DSCAML1: variants seen among roughly 807,000 people sequenced by gnomAD.
DSCAML1 encodes the protein cell adhesion molecule DSCAML1.
In DSCAML1, 38 loss-of-function variants were observed where a neutral mutation model predicts 200.5. That is an observed-to-expected ratio of 0.19 (90% CI 0.15 to 0.25). The LOEUF is 0.25. Among genes scored for constraint, DSCAML1 ranks in the 10% least tolerant of loss-of-function variants. The pLI, the probability that DSCAML1 is intolerant of heterozygous loss-of-function variation, is 1.00. For synonymous variants in DSCAML1, 1,215 were observed against 1,165.0 expected, an observed-to-expected ratio of 1.04 and a Z score of -0.87; for missense variants, 2,223 against 2,858.8, an observed-to-expected ratio of 0.78 and a Z score of 5.07.
At chr11:117,628,412 G>A (rs1049560535) in intron 3 of DSCAML1, among the ~76,000 whole-genome samples, 6 of 152,212 alleles carry the variant, frequency 3.9e-5, no homozygotes, top group African/African-American at 1.2e-4. Context: ...TTCCCTGCCC[G>A]ACCTCCTCGT....
rs373664097 is a variant in DSCAML1 at position 117,439,769 on chromosome 11, C to T, written c.3980+50G>A. The stretch of plus-strand genomic sequence containing the variant: ...GACTCTTCTCCACACCGCTCTTCTA[C>T]TATATCCCTCTTTGGGGCCACCCCA... On this transcript the variant is annotated intron_variant, in intron 22 of 32. Transcript: ENST00000651296. 3.1e-4 allele frequency: 487 copies of T among 1,546,876 alleles called. 2 individuals carry two copies. The highest frequency in any genetic ancestry group is 2.6e-4 in the Non-Finnish European group (289 of 1,121,476).
chr11:117,663,392 C>A (rs1325051657), intron 3 of DSCAML1, among the ~76,000 whole-genome samples: 1 of 152,180 alleles, frequency 6.6e-6, no homozygotes, highest in Non-Finnish European at 1.5e-5. Flanking sequence ...GAGGCCATCC[C>A]CCACCAGTGG....
At chr11:117,599,637 A>C (rs901721944) in intron 3 of DSCAML1, among the ~76,000 whole-genome samples, 1 of 152,030 alleles carries the variant, frequency 6.6e-6, no homozygotes, top group Non-Finnish European at 1.5e-5. Context: ...TCCTCAACAC[A>C]AGACATCTGC....
chr11:117,697,810 C>T (rs1185184916), intron 3 of DSCAML1, among the ~76,000 whole-genome samples: 5 of 148,836 alleles, frequency 3.4e-5, no homozygotes, highest in African/African-American at 1.2e-4. Flanking sequence ...CTCGCTCTGT[C>T]GCCGAGGCTG....
chr11:117,712,312 A>G (rs1318666593), intron 3 of DSCAML1, among the ~76,000 whole-genome samples: 1 of 152,090 alleles, frequency 6.6e-6, no homozygotes, highest in Non-Finnish European at 1.5e-5. Flanking sequence ...GGGTGTGGAC[A>G]GTGGGGGTTG....
chr11:117,700,382 T>A (rs1376230624), intron 3 of DSCAML1, among the ~76,000 whole-genome samples: 3 of 152,088 alleles, frequency 2.0e-5, no homozygotes, highest in African/African-American at 4.8e-5. Flanking sequence ...TCACATCCTA[T>A]CCTATCCTCC....
chr11:117,640,933 G>A lies in DSCAML1; in HGVS notation c.512-108411C>T, dbSNP rs183949194. 6.4e-4 allele frequency among the ~76,000 whole-genome samples: 98 copies of A among 152,300 alleles called. No homozygotes were observed. In the East Asian group the frequency reaches 0.017, roughly 27 times the overall value. ...CATGTGTGTACATATATGTCCATGA[G>A]CACATATGTCTGTGCTCAACCAAAA... On this transcript the variant is annotated intron_variant, in intron 3 of 32. Transcript: ENST00000651296.
At chr11:117,746,945 GA>G (rs1452823708) in intron 3 of DSCAML1, among the ~76,000 whole-genome samples, 1 of 152,198 alleles carries the variant, frequency 6.6e-6, no homozygotes. Context: ...CACTGGGTTA[GA>G]AAGTATGGGT....
chr11:117,559,192 C>T (rs2050614775), intron 3 of DSCAML1, among the ~76,000 whole-genome samples: 1 of 151,984 alleles, frequency 6.6e-6, no homozygotes, highest in Non-Finnish European at 1.5e-5. Flanking sequence ...ATTCAGAAAC[C>T]CAGACCCAAA....
At chr11:117,783,454 T>C (rs2055297803) in intron 1 of DSCAML1, among the ~76,000 whole-genome samples, 1 of 152,146 alleles carries the variant, frequency 6.6e-6, no homozygotes, top group Non-Finnish European at 1.5e-5. Flanking sequence ...GTAATAGCAA[T>C]AGCCAGAACT....
At chr11:117,782,931 C>G (rs183807817) in intron 1 of DSCAML1, among the ~76,000 whole-genome samples, 357 of 152,118 alleles carry the variant, frequency 2.3e-3, no homozygotes, top group Middle Eastern at 0.01. Flanking sequence ...AGTGAGGGCA[C>G]TGGGACTCAG....
chr11:117,586,322 C>T (rs1032749666), intron 3 of DSCAML1, among the ~76,000 whole-genome samples: 9 of 152,204 alleles, frequency 5.9e-5, no homozygotes, highest in Non-Finnish European at 1.3e-4. Flanking sequence ...CTGGGGGCAC[C>T]GCCTCCAAGG....
At chr11:117,766,700 G>C (rs2054903680) in intron 3 of DSCAML1, among the ~76,000 whole-genome samples, 1 of 152,182 alleles carries the variant, frequency 6.6e-6, no homozygotes, top group Non-Finnish European at 1.5e-5. Context: ...ATTCACCCAG[G>C]GGGTGCTCTG....
chr11:117,521,700 C>A (rs2049889956), intron 5 of DSCAML1, among the ~76,000 whole-genome samples: 1 of 152,136 alleles, frequency 6.6e-6, no homozygotes, highest in East Asian at 1.9e-4. Context: ...CTCCCTCTGG[C>A]TCACTGAGGA....
chr11:117,499,696 G>A (rs1486325650), intron 11 of DSCAML1, among the ~76,000 whole-genome samples: 2 of 152,220 alleles, frequency 1.3e-5, no homozygotes, highest in Admixed American at 6.5e-5. Flanking sequence ...TGCAGGCGGC[G>A]ATGCTGGACT....
At chr11:117,781,853 G>A (rs143727413) in intron 1 of DSCAML1, among the ~76,000 whole-genome samples, 34 of 152,348 alleles carry the variant, frequency 2.2e-4, no homozygotes, top group South Asian at 4.1e-4. Flanking sequence ...CACCTGACTC[G>A]GAGGACTGGC....
At chr11:117,466,491 G>A (rs756239080) in intron 16 of DSCAML1, among the ~76,000 whole-genome samples, 19 of 152,216 alleles carry the variant, frequency 1.2e-4, no homozygotes, top group Non-Finnish European at 2.4e-4. Context: ...AGTTGAGTCA[G>A]GAGTTCGAGA....
intron 19 of DSCAML1, among the ~76,000 whole-genome samples, chr11:117,456,297 G>T (rs2048366944): frequency 6.6e-6 from 1 of 152,200 alleles, no homozygotes; most frequent in African/African-American, 2.4e-5. Flanking sequence ...ACCAACCCTG[G>T]AGCTGTCCTA....
At chr11:117,760,386 T>C (rs1445244964) in intron 3 of DSCAML1, among the ~76,000 whole-genome samples, 1 of 152,234 alleles carries the variant, frequency 6.6e-6, no homozygotes, top group Non-Finnish European at 1.5e-5. Flanking sequence ...TTTCCATGCA[T>C]GTTTTTATAC....
Sources: gnomAD v4.1 joint callset for allele counts (sites outside exome capture counted in the v4.1 genomes callset) on GRCh38, gnomAD v4.1.1 for gene constraint, MANE v1.5 for transcripts, NCBI Gene and HGNC (gene_info 2026-07-23, HGNC 2026-07-21) for gene names.